The following ZNF724 variants were observed in gnomAD, a reference collection of about 807,000 sequenced individuals.
The protein encoded by ZNF724 is zinc finger protein 724 pseudogene.
Under a neutral mutation model 29.3 loss-of-function variants are expected in ZNF724, and 14 were observed. The ratio of observed to expected loss-of-function variants is 0.48; its 90% CI spans 0.32 to 0.75. The LOEUF (loss-of-function observed/expected upper bound fraction) is 0.75. ZNF724 is among the 30% of genes least tolerant of loss of function. The pLI, the probability that ZNF724 is intolerant of heterozygous loss-of-function variation, is 0.04. For missense variants in ZNF724, 557 were observed against 571.2 expected (o/e 0.98, Z 0.25); for synonymous variants, 180 against 193.6 (o/e 0.93, Z 0.58).
At chr19:23,229,314 C>T (rs1427773442) in intron 3 of ZNF724, among the ~76,000 whole-genome samples, 1 of 152,126 alleles carries the variant, frequency 6.6e-6, no homozygotes, top group Non-Finnish European at 1.5e-5. Flanking sequence ...TGGGAGAGGT[C>T]CTGCCCTTCC....
intron 1 of ZNF724, among the ~76,000 whole-genome samples, chr19:23,243,475 C>CAAAAAAAAAAAAAAAAAAAAAA (rs61241201): frequency 9.6e-5 from 3 of 31,214 alleles, no homozygotes; most frequent in African/African-American, 4.6e-4. Context: ...GAGTCCATCT[C>CAAAAAAAAAAAAAAAAAAAAAA]AAAAAAAAAA....
chr19:23,249,802 G>C (rs1972315137), intron 1 of ZNF724, among the ~76,000 whole-genome samples: 1 of 152,170 alleles, frequency 6.6e-6, no homozygotes, highest in Non-Finnish European at 1.5e-5. Flanking sequence ...TCGAAGTGCT[G>C]GGATTACAGG....
intron 1 of ZNF724, among the ~76,000 whole-genome samples, chr19:23,235,226 A>G (rs911620497): frequency 6.6e-6 from 1 of 152,224 alleles, no homozygotes; most frequent in African/African-American, 2.4e-5. Flanking sequence ...CAGCTGTTTA[A>G]TAATTCCCAG....
chr19:23,250,116 A>G (rs1188900096), intron 1 of ZNF724, 124 bp downstream of exon 1: 2 of 540,850 alleles, frequency 3.7e-6, no homozygotes, highest in East Asian at 5.0e-5. Flanking sequence ...CAGCTGGGCA[A>G]GGAGAACTCA....
intron 1 of ZNF724, among the ~76,000 whole-genome samples, chr19:23,244,704 T>C (rs1302659913): frequency 6.6e-6 from 1 of 151,834 alleles, no homozygotes; most frequent in Non-Finnish European, 1.5e-5. Context: ...CCACCCAGAG[T>C]CAGCACAGAT....
chr19:23,250,182 C>T, intron 1 of ZNF724, 58 bp downstream of exon 1: 1 of 577,170 alleles, frequency 1.7e-6, no homozygotes, highest in Non-Finnish European at 3.4e-6. Flanking sequence ...CAGCCACTTC[C>T]CACAGGTTTC....
chr19:23,245,505 C>T (rs1035742028), intron 1 of ZNF724, among the ~76,000 whole-genome samples: 5 of 151,982 alleles, frequency 3.3e-5, no homozygotes, highest in Non-Finnish European at 7.4e-5. Context: ...CCCAGCTACT[C>T]AGGAGGCTGA....
intron 1 of ZNF724, 65 bp from the exon 2 acceptor site, chr19:23,232,358 T>C (rs1222357039): frequency 1.4e-5 from 12 of 842,138 alleles, no homozygotes; most frequent in Non-Finnish European, 2.4e-5. Context: ...TTGATTCAAG[T>C]TGAAATGAAA....
chr19:23,227,018 TA>T (rs1484877018), intron 3 of ZNF724, among the ~76,000 whole-genome samples: 4 of 152,032 alleles, frequency 2.6e-5, no homozygotes, highest in African/African-American at 7.2e-5. Flanking sequence ...AATGGACCAT[TA>T]AAAAAGAATT....
intron 1 of ZNF724, among the ~76,000 whole-genome samples, chr19:23,238,304 G>C (rs1972056842): frequency 6.6e-6 from 1 of 152,004 alleles, no homozygotes; most frequent in South Asian, 2.1e-4. Flanking sequence ...GGCAGAGCTT[G>C]CAATGAGCCC....
rs758265985 is a variant in ZNF724, at chr19:23,223,878, A to C, written c.367T>G (p.Tyr123Asp). The change falls in exon 4 of 4, where the codon TAC becomes GAC. Residue 123 changes from tyrosine (Y) to aspartate (D), a missense_variant. Transcript: ENST00000418100. ...TTATAACTTCCTTTGTGCACCTTGTACTCATCCACACTTTTATAGCCTTTT... is the reference window on the plus strand; with the variant it reads ...TTATAACTTCCTTTGTGCACCTTGTCCTCATCCACACTTTTATAGCCTTTT... Reference protein sequence around the residue: ...LKKGYKSVDEYKVHKGSYNGF... With the variant: ...LKKGYKSVDEDKVHKGSYNGF... 1 of 778,580 alleles carries C rather than the reference A, an allele frequency of 1.3e-6. No homozygotes were observed. Among genetic ancestry groups the C allele is most frequent in the East Asian group, 2.4e-5 (1 of 41,102 alleles). The allele number at this position is 778,580 out of a possible 1,614,324, so 48.2% of individuals were successfully genotyped here.
At chr19:23,227,367 C>T (rs942520090) in intron 3 of ZNF724, among the ~76,000 whole-genome samples, 1 of 151,464 alleles carries the variant, frequency 6.6e-6, no homozygotes, top group Non-Finnish European at 1.5e-5. Flanking sequence ...CCAGCCTGGC[C>T]AACATGATGA....
At chr19:23,234,959 T>A (rs1375550095) in intron 1 of ZNF724, among the ~76,000 whole-genome samples, 2 of 152,232 alleles carry the variant, frequency 1.3e-5, no homozygotes, top group Non-Finnish European at 2.9e-5. Context: ...AGCACTCTTG[T>A]CACAACACAA....
chr19:23,245,341 C>T (rs945289543), intron 1 of ZNF724, among the ~76,000 whole-genome samples: 5 of 152,170 alleles, frequency 3.3e-5, no homozygotes, highest in Non-Finnish European at 5.9e-5. Flanking sequence ...TAGCCAGGTG[C>T]GGTGGCTCAC....
At chr19:23,246,024 C>T (rs1171270082) in intron 1 of ZNF724, among the ~76,000 whole-genome samples, 1 of 152,042 alleles carries the variant, frequency 6.6e-6, no homozygotes, top group Non-Finnish European at 1.5e-5. Flanking sequence ...GGAGGCTCCC[C>T]AGGAAGAACT....
Position 23,223,170 on chromosome 19 carries a change from T to TTC in ZNF724, c.1073_1074dup (p.Ile359GlufsTer85). On this transcript the variant is annotated frameshift_variant, in exon 4 of 4. Transcript: ENST00000418100. LOFTEE classifies it high-confidence loss of function. Reference sequence around the variant, plus strand: ...TTGTAAGGTTTCTCTCCAGTATGAATTCTCTTATGTTGAGTAAGGGTTGAG... The same window carrying TTC: ...TTGTAAGGTTTCTCTCCAGTATGAATTCTCTCTTATGTTGAGTAAGGGTTGAG... 1.6e-6 allele frequency: 2 copies of TTC among 1,279,488 alleles called. No individual in the cohort carries two copies. Among genetic ancestry groups the TTC allele is most frequent in the Non-Finnish European group, 2.3e-6 (2 of 876,372 alleles). 79.3% of individuals were successfully genotyped at this position (1,279,488 alleles called of 1,614,324 possible). A position where few individuals can be genotyped will look rare whatever the true frequency, so the allele number is the denominator to read the frequency against.
At chr19:23,237,753 C>T (rs1325555263) in intron 1 of ZNF724, among the ~76,000 whole-genome samples, 1 of 146,228 alleles carries the variant, frequency 6.8e-6, no homozygotes, top group East Asian at 2.0e-4. Context: ...GTATAATTCA[C>T]ACAAATGCAA....
intron 3 of ZNF724, among the ~76,000 whole-genome samples, chr19:23,230,702 G>A (rs553641569): frequency 6.6e-6 from 1 of 152,186 alleles, no homozygotes; most frequent in East Asian, 1.9e-4. Context: ...GGGGACTTTG[G>A]TTCTCACTGA....
At position 23,223,094 on chromosome 19, in the gene ZNF724, T is replaced by C. The variant is rs914949108; in HGVS notation, c.1151A>G (p.His384Arg). ...TTTTTCTCCAGTATGAATTCTCTTA[T>C]GTTGAGTAAGAGTTGAGGACACGTT... is the stretch of plus-strand genomic sequence containing the variant. ...AFNVSSTLTQ[H>R]KRIHTGEKPY... The change falls in exon 4 of 4, where the codon CAT becomes CGT. Residue 384 changes from histidine (H) to arginine (R), a missense_variant. His to Arg is a conservative substitution (Grantham distance 29). This residue lies in a region of ZNF724 where 362 missense variants were observed against 295.5 expected (regional missense o/e 1.22). Transcript: ENST00000418100. 2.4e-6 allele frequency: 3 copies of C among 1,260,622 alleles called. No homozygotes were observed. Among genetic ancestry groups the C allele is most frequent in the Middle Eastern group, 1.9e-4 (1 of 5,394 alleles). The allele number at this position is 1,260,622 out of a possible 1,614,324, so 78.1% of individuals were successfully genotyped here. A position where few individuals can be genotyped will look rare whatever the true frequency, so the allele number is the denominator to read the frequency against.
Sources: allele counts gnomAD v4.1 joint callset (sites outside exome capture counted in the v4.1 genomes callset), GRCh38; gene constraint gnomAD v4.1.1; regional missense constraint gnomAD v4.1.1; transcripts MANE v1.5; gene names NCBI Gene and HGNC (gene_info 2026-07-23, HGNC 2026-07-21).